Variants in RANBP17 observed in about 807,000 individuals in gnomAD.
RANBP17 encodes RAN binding protein 17, also known as ran-binding protein 17.
In RANBP17, 158 loss-of-function variants were observed where a neutral mutation model predicts 141.2. The observed-to-expected ratio is 1.12, with a 90% CI of 0.98 to 1.28. The LOEUF (loss-of-function observed/expected upper bound fraction) is 1.28. Among genes scored for constraint, RANBP17 ranks in the 50% most tolerant of loss-of-function variants. The probability of loss-of-function intolerance (pLI) is 0.00; values close to 1 mark genes in which losing one functional copy is unlikely to be tolerated. For synonymous variants in RANBP17, 430 were observed against 450.0 expected (o/e 0.96, Z 0.56); for missense variants, 1,438 against 1,290.7 (o/e 1.11, Z -1.75).
chr5:171,224,064 G>A (rs545653678), intron 22 of RANBP17, among the ~76,000 whole-genome samples: 1 of 152,168 alleles, frequency 6.6e-6, no homozygotes, highest in Non-Finnish European at 1.5e-5. Flanking sequence ...GTTACTCGCT[G>A]TTTATGCCTC....
chr5:171,127,810 A>G (rs1284048421), intron 14 of RANBP17, among the ~76,000 whole-genome samples: 1 of 152,214 alleles, frequency 6.6e-6, no homozygotes, highest in African/African-American at 2.4e-5. Context: ...TTCTTGATAA[A>G]CAAAAATAGA....
chr5:170,937,694 AGCTT>A (rs1443390198), intron 12 of RANBP17, among the ~76,000 whole-genome samples: 1 of 152,154 alleles, frequency 6.6e-6, no homozygotes, highest in East Asian at 1.9e-4. Context: ...TGACCCTGTA[AGCTT>A]GTGTTGTAGT....
At chr5:171,279,441 G>C (rs1464135481) in intron 25 of RANBP17, among the ~76,000 whole-genome samples, 1 of 152,062 alleles carries the variant, frequency 6.6e-6, no homozygotes, top group Non-Finnish European at 1.5e-5. Context: ...TGGGTGGAAG[G>C]GCAAGAAAGA....
chr5:171,268,905 A>G (rs1766919786), intron 25 of RANBP17, among the ~76,000 whole-genome samples: 1 of 152,230 alleles, frequency 6.6e-6, no homozygotes, highest in Non-Finnish European at 1.5e-5. Context: ...GGCAGGAGAC[A>G]AATCAAGTTT....
chr5:171,018,215 T>A (rs1295689835), intron 14 of RANBP17, among the ~76,000 whole-genome samples: 1 of 152,222 alleles, frequency 6.6e-6, no homozygotes, highest in Non-Finnish European at 1.5e-5. Flanking sequence ...TTCTTTTTGC[T>A]TAAGATTGTC....
At chr5:171,007,641 G>A (rs1043144130) in intron 14 of RANBP17, among the ~76,000 whole-genome samples, 6 of 152,068 alleles carry the variant, frequency 3.9e-5, no homozygotes, top group Admixed American at 3.9e-4. Flanking sequence ...CTGGACGTAG[G>A]GCATCTCAGA....
intron 7 of RANBP17, among the ~76,000 whole-genome samples, chr5:170,912,932 A>G (rs968384872): frequency 1.3e-5 from 2 of 151,978 alleles, no homozygotes; most frequent in African/African-American, 2.4e-5. Flanking sequence ...TAGAATAGTA[A>G]GGATAAAGAA....
At chr5:171,055,925 G>T (rs1476172947) in intron 14 of RANBP17, among the ~76,000 whole-genome samples, 1 of 139,796 alleles carries the variant, frequency 7.2e-6, no homozygotes, top group African/African-American at 2.7e-5. Context: ...TATTACACTT[G>T]TGCAAGTAAA....
intron 18 of RANBP17, among the ~76,000 whole-genome samples, chr5:171,186,768 C>T (rs1346763137): frequency 6.6e-6 from 1 of 151,624 alleles, no homozygotes; most frequent in African/African-American, 2.4e-5. Context: ...GATCTCCTGA[C>T]CTCGTGATCC....
rs557443611 is a variant in RANBP17 at position 171,299,508 on chromosome 5, A to G, written c.*650A>G. 3.9e-5 allele frequency: 9 copies of G among 232,118 alleles called. No homozygotes were observed. The East Asian group carries it at 5.5e-4, about 14-fold the overall frequency. 14.4% of individuals were successfully genotyped at this position (232,118 alleles called of 1,614,324 possible). A position where few individuals can be genotyped will look rare whatever the true frequency, so the allele number is the denominator to read the frequency against. On this transcript the variant is annotated 3_prime_UTR_variant, in exon 28 of 28. Transcript: ENST00000523189. ...ATCTGAAGTGGTTCAGTCTAGAAGA[A>G]TTAAGCTGTGCAATTACTGCCTGCA...
At chr5:170,957,708 A>G (rs896980798) in intron 13 of RANBP17, among the ~76,000 whole-genome samples, 3 of 152,082 alleles carry the variant, frequency 2.0e-5, no homozygotes, top group African/African-American at 4.8e-5. Flanking sequence ...TTAAAGTGCT[A>G]TTTAGTGTTC....
At chr5:171,191,081 C>A (rs1317339246) in intron 18 of RANBP17, among the ~76,000 whole-genome samples, 2 of 152,216 alleles carry the variant, frequency 1.3e-5, no homozygotes, top group East Asian at 1.9e-4. Context: ...ATAGTTCTAT[C>A]TTTAGGGGTG....
At chr5:170,996,554 GT>G (rs1778827814) in intron 14 of RANBP17, among the ~76,000 whole-genome samples, 1 of 152,244 alleles carries the variant, frequency 6.6e-6, no homozygotes, top group East Asian at 1.9e-4. Flanking sequence ...ATGCCAAAAA[GT>G]TTTTGCAGAT....
In RANBP17 at chr5:170,919,621, A is replaced by G; in HGVS notation, c.1274+8A>G. ...TGTTGCCATAGTTGTGAGGTATTCAAAAACTAAATGTTTTTGTTGTATTTC... is the reference window on the plus strand; with the variant it reads ...TGTTGCCATAGTTGTGAGGTATTCAGAAACTAAATGTTTTTGTTGTATTTC... On this transcript the variant is annotated splice_region_variant and intron_variant, in intron 11 of 27. Transcript: ENST00000523189. 1.9e-6 allele frequency: 3 copies of G among 1,550,978 alleles called. No individual in the cohort carries two copies. Among genetic ancestry groups the G allele is most frequent in the South Asian group, 2.5e-5 (2 of 81,066 alleles).
intron 1 of RANBP17, among the ~76,000 whole-genome samples, chr5:170,872,253 G>A (rs564508362): frequency 3.4e-4 from 51 of 152,194 alleles, no homozygotes; most frequent in African/African-American, 1.1e-3. Flanking sequence ...GTATTCCTCA[G>A]TATTTTATTT....
chr5:171,120,450 CTT>C (rs1438989439), intron 14 of RANBP17, among the ~76,000 whole-genome samples: 3 of 152,228 alleles, frequency 2.0e-5, no homozygotes, highest in Non-Finnish European at 4.4e-5. Flanking sequence ...CCTTCCCTCT[CTT>C]TGCCTGTCTC....
At chr5:171,011,849 A>T (rs930523940) in intron 14 of RANBP17, among the ~76,000 whole-genome samples, 2 of 151,964 alleles carry the variant, frequency 1.3e-5, no homozygotes, top group Non-Finnish European at 2.9e-5. Flanking sequence ...CTTTAAAAAA[A>T]ATATCTGAAC....
Position 171,250,809 on chromosome 5 carries a change from A to G in RANBP17, c.2776+7989A>G, listed in dbSNP as rs76627588. On this transcript the variant is annotated intron_variant, in intron 24 of 27. Coordinates refer to ENST00000523189, the MANE Select transcript of RANBP17 (RefSeq NM_022897.5). ...GAGACTATAGCAGTTCTAAATATGT[A>G]TGTACCCAACACTGGAACACCTGGA... 9.9e-3 allele frequency among the ~76,000 whole-genome samples: 1,515 copies of G among 152,344 alleles called. 20 individuals are homozygous for G. Among genetic ancestry groups the G allele is most frequent in the Non-Finnish European group, 0.015 (1,054 of 68,022 alleles).
chr5:171,078,251 C>A (rs1236196579), intron 14 of RANBP17, among the ~76,000 whole-genome samples: 1 of 151,364 alleles, frequency 6.6e-6, no homozygotes, highest in Non-Finnish European at 1.5e-5. Context: ...TCGAGTCTCA[C>A]TCAGCCTCCC....
Sources: gnomAD v4.1 joint callset for allele counts (sites outside exome capture counted in the v4.1 genomes callset) on GRCh38, gnomAD v4.1.1 for gene constraint, MANE v1.5 for transcripts, NCBI Gene and HGNC (gene_info 2026-07-23, HGNC 2026-07-21) for gene names.